TRAF7: variants seen among roughly 807,000 people sequenced by gnomAD.
TRAF7 encodes the protein E3 ubiquitin-protein ligase TRAF7.
Under a neutral mutation model 89.3 loss-of-function variants are expected in TRAF7, and 45 were observed. The observed-to-expected ratio is 0.50, with a 90% CI of 0.40 to 0.65. The LOEUF is 0.65. TRAF7 is among the 30% of genes least tolerant of loss of function. The pLI is 0.00. For missense variants in TRAF7, 677 were observed against 918.1 expected (o/e 0.74, Z 3.39); for synonymous variants, 406 against 369.2 (o/e 1.10, Z -1.14).
At position 2,162,969 on chromosome 16, in the gene TRAF7, C is replaced by CA. The variant is rs1344168706; in HGVS notation, c.-38-913dup. On this transcript the variant is annotated intron_variant, in intron 1 of 20. Transcript: ENST00000326181. This position sits in a 1 kb window ranked among gnomAD's most constrained non-coding sequence, Gnocchi z 5.0. ...CGCCTGCTGACAGAGCCTGGTGCCTCACGGGGGGAGAGTGGGCGTCATCCA... is the reference window on the plus strand; with the variant it reads ...CGCCTGCTGACAGAGCCTGGTGCCTCAACGGGGGGAGAGTGGGCGTCATCCA... 6.6e-6 allele frequency among the ~76,000 whole-genome samples: 1 copy of CA among 151,184 alleles called. No homozygotes were observed. Among genetic ancestry groups the CA allele is most frequent in the Non-Finnish European group, 1.5e-5 (1 of 67,800 alleles).
rs2093146390 is a variant in TRAF7 at position 2,177,808 on chromosome 16, T to C, written c.*1234T>C. The C allele has an allele frequency of 4.4e-6, 1 of 228,542 alleles. No individual in the cohort carries two copies. The highest frequency in any genetic ancestry group is 8.6e-6 in the Non-Finnish European group (1 of 116,740). The allele number at this position is 228,542 out of a possible 1,614,324, so 14.2% of individuals were successfully genotyped here. A position where few individuals can be genotyped will look rare whatever the true frequency, so the allele number is the denominator to read the frequency against. On this transcript the variant is annotated 3_prime_UTR_variant, in exon 21 of 21. Coordinates refer to ENST00000326181, the MANE Select transcript of TRAF7 (RefSeq NM_032271.3). ...GCCGAGAGCAAGGCACAACCTCGAG[T>C]TCTTGGGGCGCAGAGAACTTAGGAG...
intron 9 of TRAF7, 36 bp downstream of exon 9, chr16:2,172,635 G>GGGGGGCC: frequency 7.9e-7 from 1 of 1,273,294 alleles, no homozygotes; most frequent in Non-Finnish European, 1.1e-6. Flanking sequence ...GCCGGGGTGG[G>GGGGGGCC]CGCAGGCCCT....
chr16:2,156,113 C>T (rs982076455), intron 1 of TRAF7, among the ~76,000 whole-genome samples: 1 of 152,152 alleles, frequency 6.6e-6, no homozygotes, highest in South Asian at 2.1e-4. Flanking sequence ...TTCCTTCTTC[C>T]TGCATTCCCC....
chr16:2,161,210 TCCCCCTGCTTCCCTCTG>T lies in TRAF7; in HGVS notation c.-38-2666_-38-2650del, dbSNP rs2093057157. Among the ~76,000 whole-genome samples the T allele has an allele frequency of 1.6e-5, 1 of 62,492 alleles. No individual in the cohort carries two copies. Among genetic ancestry groups the T allele is most frequent in the Non-Finnish European group, 3.1e-5 (1 of 32,524 alleles). The allele number at this position is 62,492 out of a possible 152,430, so 41.0% of individuals were successfully genotyped here. A position where few individuals can be genotyped will look rare whatever the true frequency, so the allele number is the denominator to read the frequency against. On this transcript the variant is annotated intron_variant, in intron 1 of 20. Transcript: ENST00000326181. This position sits in a 1 kb window ranked among gnomAD's most constrained non-coding sequence, Gnocchi z 5.2. ...CCTTCCGTCCCCCTCCCTCCCTCCGTCCCCCTGCTTCCCTCTGCCCCCTCCCTCCCTCCGTCCCCTCC... is the reference window on the plus strand; with the variant it reads ...CCTTCCGTCCCCCTCCCTCCCTCCGTCCCCCTCCCTCCCTCCGTCCCCTCC...
Position 2,165,515 on chromosome 16 carries a change from A to G in TRAF7, c.82-364A>G, listed in dbSNP as rs377217434. ...TGGCGCAGCCTGGTCGCATGGTTAAACGTGTGAGTGCTGCGTGGCCTGGCC... is the reference window on the plus strand; with the variant it reads ...TGGCGCAGCCTGGTCGCATGGTTAAGCGTGTGAGTGCTGCGTGGCCTGGCC... On this transcript the variant is annotated intron_variant, in intron 2 of 20. Coordinates refer to ENST00000326181, the MANE Select transcript of TRAF7 (RefSeq NM_032271.3). Among the ~76,000 whole-genome samples, 413 of 52,092 alleles carry G rather than the reference A, an allele frequency of 7.9e-3. 7 individuals are homozygous for G. Among genetic ancestry groups the G allele is most frequent in the African/African-American group, 0.028 (301 of 10,774 alleles). 34.2% of individuals were successfully genotyped at this position (52,092 alleles called of 152,430 possible).
chr16:2,161,393 T>C lies in TRAF7; in HGVS notation c.-38-2490T>C, dbSNP rs989882632. ...TTGCACATTGCCCTGCGTGCCTTTC[T>C]GTTCACCTCACTTCAGAGTGAGGGG... is the stretch of plus-strand genomic sequence containing the variant. On this transcript the variant is annotated intron_variant, in intron 1 of 20. Coordinates refer to ENST00000326181, the MANE Select transcript of TRAF7 (RefSeq NM_032271.3). This position sits in a 1 kb window ranked among gnomAD's most constrained non-coding sequence, Gnocchi z 5.2. 7.2e-5 allele frequency among the ~76,000 whole-genome samples: 11 copies of C among 152,196 alleles called. No individual in the cohort carries two copies. The highest frequency in any genetic ancestry group is 2.4e-4 in the African/African-American group (10 of 41,538).
rs1212115563 is a variant in TRAF7 at position 2,163,181 on chromosome 16, A to G, written c.-38-702A>G. 6.6e-6 allele frequency among the ~76,000 whole-genome samples: 1 copy of G among 151,854 alleles called. No individual in the cohort carries two copies. Among genetic ancestry groups the G allele is most frequent in the African/African-American group, 2.4e-5 (1 of 41,314 alleles). On this transcript the variant is annotated intron_variant, in intron 1 of 20. Coordinates refer to ENST00000326181, the MANE Select transcript of TRAF7 (RefSeq NM_032271.3). The surrounding 1 kb of genome is among the most constrained non-coding windows in gnomAD (Gnocchi z 4.3). ...CTCTTCTGGGGAGGGTGATTCCCGC[A>G]TGCCTTCTCCCTGCCCCCCCACCCA...
At position 2,176,445 on chromosome 16, in the gene TRAF7, C is replaced by T. The variant is rs935865417; in HGVS notation, c.1998+61C>T. The T allele has an allele frequency of 2.2e-5, 36 of 1,612,242 alleles. 1 individual carries two copies. The highest frequency in any genetic ancestry group is 6.7e-5 in the Admixed American group (4 of 59,982). On this transcript the variant is annotated intron_variant, in intron 20 of 20. Coordinates refer to ENST00000326181, the MANE Select transcript of TRAF7 (RefSeq NM_032271.3). The stretch of plus-strand genomic sequence containing the variant: ...GCACAGGATGGAGCGGGGGTGGGGA[C>T]GAGGAGCTGGCAGCCCCAGCACAAA...
At chr16:2,172,694 G>C (rs1469213187) in intron 9 of TRAF7, 95 bp downstream of exon 9, 6 of 1,401,700 alleles carry the variant, frequency 4.3e-6, no homozygotes, top group Non-Finnish European at 5.8e-6. Context: ...GGGGAGGTAG[G>C]CCGGAGCTGG....
intron 7 of TRAF7, 152 bp downstream of exon 7, chr16:2,171,757 T>G: frequency 8.3e-7 from 1 of 1,208,200 alleles, no homozygotes; most frequent in Non-Finnish European, 1.2e-6. Context: ...CTAGGGACGC[T>G]CAGGCTGAGG....
chr16:2,177,185 T>A lies in TRAF7; in HGVS notation c.*611T>A. Reference sequence around the variant, plus strand: ...CAAAAAGTGAGCCAGGCACCTCTGTTTCCTGCTGTTTATTGACAGCCGACG... The same window carrying A: ...CAAAAAGTGAGCCAGGCACCTCTGTATCCTGCTGTTTATTGACAGCCGACG... On this transcript the variant is annotated 3_prime_UTR_variant, in exon 21 of 21. Coordinates refer to ENST00000326181, the MANE Select transcript of TRAF7 (RefSeq NM_032271.3). 1 of 245,236 alleles carries A rather than the reference T, an allele frequency of 4.1e-6. No homozygotes were observed. The highest frequency in any genetic ancestry group is 2.2e-5 in the African/African-American group (1 of 45,644). 15.2% of individuals were successfully genotyped at this position (245,236 alleles called of 1,614,324 possible). A position where few individuals can be genotyped will look rare whatever the true frequency, so the allele number is the denominator to read the frequency against.
chr16:2,163,037 T>G lies in TRAF7; in HGVS notation c.-38-846T>G, dbSNP rs2093063961. The stretch of plus-strand genomic sequence containing the variant: ...CCCGGGCTCTGTCCTGGGTGTGACC[T>G]GTTGGCTGGGTCTCTTTTTCTCTCT... On this transcript the variant is annotated intron_variant, in intron 1 of 20. Coordinates refer to ENST00000326181, the MANE Select transcript of TRAF7 (RefSeq NM_032271.3). The surrounding 1 kb of genome is among the most constrained non-coding windows in gnomAD (Gnocchi z 4.3). 6.6e-6 allele frequency among the ~76,000 whole-genome samples: 1 copy of G among 151,142 alleles called. No homozygotes were observed. Among genetic ancestry groups the G allele is most frequent in the Non-Finnish European group, 1.5e-5 (1 of 67,782 alleles).
rs766923754 is a variant in TRAF7, at chr16:2,163,976, T to C, written c.56T>C (p.Leu19Pro). ...CGCTTCTCCGGGGGGCCCAGCAATC[T>C]TCCCACCCCAGACGTCACCACAGGG... The part of the protein sequence containing the change: ...YNRFSGGPSN[L>P]PTPDVTTGTR... Residue 19 changes from leucine to proline, a missense_variant, in exon 2 of 21, where the codon CTT becomes CCT. Leu to Pro is a moderately conservative substitution (Grantham distance 98). Transcript: ENST00000326181. The surrounding 1 kb of genome is among the most constrained non-coding windows in gnomAD (Gnocchi z 4.3). 6.2e-6 allele frequency: 10 copies of C among 1,612,554 alleles called. No individual in the cohort carries two copies. Among genetic ancestry groups the C allele is most frequent in the Non-Finnish European group, 7.6e-6 (9 of 1,179,684 alleles).
At position 2,174,418 on chromosome 16, in the gene TRAF7, G is replaced by C; in HGVS notation, c.1346+85G>C. The C allele has an allele frequency of 2.9e-6, 4 of 1,370,744 alleles. No homozygotes were observed. The South Asian group carries it at 5.1e-5, about 18-fold the overall frequency. 84.9% of individuals were successfully genotyped at this position (1,370,744 alleles called of 1,614,324 possible). ...CCCGTGGGCCGTGAGCCATGAGCTCGAGCCTGTGTAGCTATGTGTGTGCCC... is the reference window on the plus strand; with the variant it reads ...CCCGTGGGCCGTGAGCCATGAGCTCCAGCCTGTGTAGCTATGTGTGTGCCC... On this transcript the variant is annotated intron_variant, in intron 14 of 20. Transcript: ENST00000326181.
intron 2 of TRAF7, among the ~76,000 whole-genome samples, chr16:2,165,183 T>C (rs2093078848): frequency 7.2e-6 from 1 of 138,756 alleles, no homozygotes. Context: ...GGTCGCATGG[T>C]TAAGCGTGTG....
At chr16:2,166,021 C>A (rs1007679526) in intron 3 of TRAF7, 85 bp downstream of exon 3, 1 of 1,543,644 alleles carries the variant, frequency 6.5e-7, no homozygotes, top group South Asian at 1.1e-5. Context: ...AGGGACACTT[C>A]CCGGTGAGCT....
rs928421207 is a variant in TRAF7 at position 2,158,166 on chromosome 16, G to T, written c.-39+2308G>T. 6.6e-6 allele frequency among the ~76,000 whole-genome samples: 1 copy of T among 152,220 alleles called. No individual in the cohort carries two copies. Among genetic ancestry groups the T allele is most frequent in the African/African-American group, 2.4e-5 (1 of 41,452 alleles). On this transcript the variant is annotated intron_variant, in intron 1 of 20. Coordinates refer to ENST00000326181, the MANE Select transcript of TRAF7 (RefSeq NM_032271.3). This position sits in a 1 kb window ranked among gnomAD's most constrained non-coding sequence, Gnocchi z 4.7. ...GGGCATGTGGGGAGGGCCGAGAGCTGTTGGCTGCGTGTGTCTCAGTCCGGC... is the reference window on the plus strand; with the variant it reads ...GGGCATGTGGGGAGGGCCGAGAGCTTTTGGCTGCGTGTGTCTCAGTCCGGC...
At chr16:2,157,400 G>A (rs2093039670) in intron 1 of TRAF7, among the ~76,000 whole-genome samples, 1 of 152,106 alleles carries the variant, frequency 6.6e-6, no homozygotes, top group African/African-American at 2.4e-5. Context: ...GGCCCACTGG[G>A]GCCAAGTGTT....
Position 2,163,774 on chromosome 16 carries a change from G to A in TRAF7, c.-38-109G>A, listed in dbSNP as rs566462664. On this transcript the variant is annotated intron_variant, in intron 1 of 20. Coordinates refer to ENST00000326181, the MANE Select transcript of TRAF7 (RefSeq NM_032271.3). The surrounding 1 kb of genome is among the most constrained non-coding windows in gnomAD (Gnocchi z 4.3). ...GGGGCTGGTGGTGGAAGGCTGCTGC[G>A]GCGGCCCCACGGTGCCCCACAGCAG... The A allele has an allele frequency of 1.0e-4, 73 of 727,684 alleles. 1 individual carries two copies. Among genetic ancestry groups the A allele is most frequent in the East Asian group, 4.4e-4 (16 of 36,768 alleles). 45.1% of individuals were successfully genotyped at this position (727,684 alleles called of 1,614,324 possible).
Sources: allele counts gnomAD v4.1 joint callset (sites outside exome capture counted in the v4.1 genomes callset), GRCh38; gene constraint gnomAD v4.1.1; non-coding constraint Gnocchi (gnomAD v3.1); transcripts MANE v1.5; gene names NCBI Gene and HGNC (gene_info 2026-07-23, HGNC 2026-07-21).